CENPX: variants seen among roughly 807,000 people sequenced by gnomAD.
The protein encoded by CENPX is FANCM associated histone fold protein 2.
A neutral mutation model predicts 13.2 loss-of-function variants in CENPX; 13 were observed. The ratio of observed to expected loss-of-function variants is 0.98; its 90% CI spans 0.64 to 1.56. The LOEUF is 1.56. CENPX is among the 40% of genes most tolerant of loss of function. The pLI, the probability that CENPX is intolerant of heterozygous loss-of-function variation, is 0.00. For missense variants in CENPX, 138 were observed against 107.5 expected, an observed-to-expected ratio of 1.28 and a Z score of -1.26; for synonymous variants, 66 against 47.2, an observed-to-expected ratio of 1.40 and a Z score of -1.63.
chr17:82,019,593 CA>C, intron 3 of CENPX, 47 bp downstream of exon 3: 7 of 1,550,004 alleles, frequency 4.5e-6, no homozygotes, highest in Non-Finnish European at 6.1e-6. Context: ...TGGAAAAACG[CA>C]AAATTCCGGA....
rs564215881 is a variant in CENPX, at chr17:82,018,874, C to T, written c.*331G>A. On this transcript the variant is annotated 3_prime_UTR_variant, in exon 5 of 5. Coordinates refer to ENST00000392359, the MANE Select transcript of CENPX (RefSeq NM_001271006.2). ...GCGCTGCCAGCTGCTGTTTGTCAAA[C>T]ACACAGGCTACCTGCTGGCCAGGCC... 4 of 369,152 alleles carry T rather than the reference C, an allele frequency of 1.1e-5. No homozygotes were observed. Among genetic ancestry groups the T allele is most frequent in the Non-Finnish European group, 1.9e-5 (4 of 207,222 alleles). 22.9% of individuals were successfully genotyped at this position (369,152 alleles called of 1,614,324 possible).
rs2043221887 is a variant in CENPX at position 82,019,037 on chromosome 17, A to C, written c.*168T>G. 6.9e-6 allele frequency: 7 copies of C among 1,020,596 alleles called. No individual in the cohort carries two copies. Among genetic ancestry groups the C allele is most frequent in the Non-Finnish European group, 9.7e-6 (7 of 725,172 alleles). The allele number at this position is 1,020,596 out of a possible 1,614,324, so 63.2% of individuals were successfully genotyped here. On this transcript the variant is annotated 3_prime_UTR_variant, in exon 5 of 5. Coordinates refer to ENST00000392359, the MANE Select transcript of CENPX (RefSeq NM_001271006.2). The stretch of plus-strand genomic sequence containing the variant: ...CACTCCAAGGCCCGCAGTGCACTGC[A>C]GTCCTGCCCCTTCTGCACAGGCTGG...
intron 1 of CENPX, 120 bp downstream of exon 1, chr17:82,022,706 G>C (rs1048089518): frequency 1.9e-4 from 230 of 1,211,664 alleles, no homozygotes; most frequent in Non-Finnish European, 2.4e-4. Context: ...GTCTGAGAAC[G>C]GGCCCAACCT....
Position 82,019,988 on chromosome 17 carries a change from G to A in CENPX, c.37-79C>T. ...CAGGGTGGTGACCATTCTGGTGACA[G>A]TGGCTGTGACTTCTGGCTGGAGACG... On this transcript the variant is annotated intron_variant, in intron 1 of 4. Transcript: ENST00000392359. 2.3e-6 allele frequency: 3 copies of A among 1,305,188 alleles called. No individual in the cohort carries two copies. The South Asian group carries it at 4.4e-5, about 19-fold the overall frequency. The allele number at this position is 1,305,188 out of a possible 1,614,324, so 80.9% of individuals were successfully genotyped here. A position where few individuals can be genotyped will look rare whatever the true frequency, so the allele number is the denominator to read the frequency against.
rs1187062139 is a variant in CENPX at position 82,019,077 on chromosome 17, CTT to C, written c.*126_*127del. 7.4e-7 allele frequency: 1 copy of C among 1,358,222 alleles called. No homozygotes were observed. Among genetic ancestry groups the C allele is most frequent in the Non-Finnish European group, 9.8e-7 (1 of 1,015,256 alleles). The allele number at this position is 1,358,222 out of a possible 1,614,324, so 84.1% of individuals were successfully genotyped here. A position where few individuals can be genotyped will look rare whatever the true frequency, so the allele number is the denominator to read the frequency against. On this transcript the variant is annotated 3_prime_UTR_variant, in exon 5 of 5. Transcript: ENST00000392359. Reference sequence around the variant, plus strand: ...GCACAGGCTGGAGACTCCCAGAGATCTTGTTTGAATCAACTCCAAATCCTTCA... The same window carrying C: ...GCACAGGCTGGAGACTCCCAGAGATCGTTTGAATCAACTCCAAATCCTTCA...
At chr17:82,022,671 G>T in intron 1 of CENPX, 155 bp downstream of exon 1, 1 of 879,578 alleles carries the variant, frequency 1.1e-6, no homozygotes, top group Non-Finnish European at 1.7e-6. Flanking sequence ...GAGGGCGCGG[G>T]GCGCGCGGCC....
At chr17:82,021,519 AAG>A (rs1449342409) in intron 1 of CENPX, among the ~76,000 whole-genome samples, 1 of 152,186 alleles carries the variant, frequency 6.6e-6, no homozygotes, top group East Asian at 1.9e-4. Flanking sequence ...GTGGCCTCGG[AAG>A]GCAGGCCCAG....
rs375883474 is a variant in CENPX at position 82,019,282 on chromosome 17, C to G, written c.231+11G>C. Reference sequence around the variant, plus strand: ...GCACCCCCACTTGCGCCCCGACCCACGCTCACGCACCAGCTGCGGAAGCAC... The same window carrying G: ...GCACCCCCACTTGCGCCCCGACCCAGGCTCACGCACCAGCTGCGGAAGCAC... On this transcript the variant is annotated intron_variant, in intron 4 of 4. Coordinates refer to ENST00000392359, the MANE Select transcript of CENPX (RefSeq NM_001271006.2). The G allele has an allele frequency of 6.3e-7, 1 of 1,597,080 alleles. No homozygotes were observed. The highest frequency in any genetic ancestry group is 1.7e-4 in the Middle Eastern group (1 of 6,028).
chr17:82,019,283 G>A lies in CENPX; in HGVS notation c.231+10C>T, dbSNP rs1239320007. The A allele has an allele frequency of 8.8e-6, 14 of 1,597,256 alleles. No homozygotes were observed. Among genetic ancestry groups the A allele is most frequent in the Middle Eastern group, 1.7e-4 (1 of 6,048 alleles). ...CACCCCCACTTGCGCCCCGACCCACGCTCACGCACCAGCTGCGGAAGCACC... is the reference window on the plus strand; with the variant it reads ...CACCCCCACTTGCGCCCCGACCCACACTCACGCACCAGCTGCGGAAGCACC... On this transcript the variant is annotated intron_variant, in intron 4 of 4. Coordinates refer to ENST00000392359, the MANE Select transcript of CENPX (RefSeq NM_001271006.2).
Position 82,018,942 on chromosome 17 carries a change from T to C in CENPX, c.*263A>G. 1 of 427,304 alleles carries C rather than the reference T, an allele frequency of 2.3e-6. No homozygotes were observed. Among genetic ancestry groups the C allele is most frequent in the Non-Finnish European group, 4.0e-6 (1 of 247,888 alleles). The allele number at this position is 427,304 out of a possible 1,614,324, so 26.5% of individuals were successfully genotyped here. On this transcript the variant is annotated 3_prime_UTR_variant, in exon 5 of 5. Coordinates refer to ENST00000392359, the MANE Select transcript of CENPX (RefSeq NM_001271006.2). Reference sequence around the variant, plus strand: ...GTAGGACCCCGGGTGGCATGCACACTATTGTCCCAGGGAGGAGAGGCAGGG... The same window carrying C: ...GTAGGACCCCGGGTGGCATGCACACCATTGTCCCAGGGAGGAGAGGCAGGG...
rs991241758 is a variant in CENPX at position 82,020,669 on chromosome 17, G to C, written c.37-760C>G. ...CTCTGGCTGCCATGCCCGGGGTGGG[G>C]GGAAGGGAGGGGGCTGCAGAGCCAG... On this transcript the variant is annotated intron_variant, in intron 1 of 4. Transcript: ENST00000392359. Among the ~76,000 whole-genome samples, 21 of 152,288 alleles carry C rather than the reference G, an allele frequency of 1.4e-4. No individual in the cohort carries two copies. In the South Asian group the frequency reaches 2.7e-3, roughly 20 times the overall value.
In CENPX at chr17:82,019,636, C is replaced by G. The variant is rs912525098; in HGVS notation, c.142+5G>C. On this transcript the variant is annotated splice_donor_5th_base_variant and intron_variant, in intron 3 of 4. Coordinates refer to ENST00000392359, the MANE Select transcript of CENPX (RefSeq NM_001271006.2). ...GCCCGGAGGGAGCGTGGGCCCTGGG[C>G]TCACCCACAACGAAGACCTTCAGCA... 12 of 1,550,216 alleles carry G rather than the reference C, an allele frequency of 7.7e-6. No individual in the cohort carries two copies. The Admixed American group carries it at 1.2e-4, about 15-fold the overall frequency.
chr17:82,020,018 C>T (rs2043253663), intron 1 of CENPX, 109 bp from the exon 2 acceptor site: 5 of 1,092,884 alleles, frequency 4.6e-6, no homozygotes, highest in Admixed American at 5.4e-5. Context: ...GAGACGCCCT[C>T]TGTGCCTGAG....
At chr17:82,021,710 GA>G (rs1253578492) in intron 1 of CENPX, among the ~76,000 whole-genome samples, 22 of 152,330 alleles carry the variant, frequency 1.4e-4, no homozygotes, top group African/African-American at 5.3e-4. Context: ...GGGCTTGATA[GA>G]ACACATGACC....
intron 1 of CENPX, 34 bp downstream of exon 1, chr17:82,022,792 C>A (rs1014658185): frequency 6.4e-7 from 1 of 1,559,520 alleles, no homozygotes; most frequent in Non-Finnish European, 8.6e-7. Flanking sequence ...ACGGAGCGTC[C>A]GCGCCTGCCT....
rs1043872578 is a variant in CENPX, at chr17:82,020,843, G to A, written c.37-934C>T. On this transcript the variant is annotated intron_variant, in intron 1 of 4. Coordinates refer to ENST00000392359, the MANE Select transcript of CENPX (RefSeq NM_001271006.2). ...GACACAGGAGATCAGTTTGGGATGC[G>A]TTGTGTGTGAACACAGGAGTGGTGG... is the stretch of plus-strand genomic sequence containing the variant. Among the ~76,000 whole-genome samples the A allele has an allele frequency of 8.5e-5, 13 of 152,244 alleles. No individual in the cohort carries two copies. In the East Asian group the frequency reaches 9.6e-4, roughly 11 times the overall value.
intron 1 of CENPX, 24 bp from the exon 2 acceptor site, chr17:82,019,933 G>T: frequency 6.5e-7 from 1 of 1,544,990 alleles, no homozygotes. Flanking sequence ...GGGTGTCAGC[G>T]CCACGCCCCG....
chr17:82,019,477 C>G (rs549732034), intron 3 of CENPX, 96 bp from the exon 4 acceptor site: 2 of 1,509,168 alleles, frequency 1.3e-6, no homozygotes, highest in Non-Finnish European at 1.8e-6. Flanking sequence ...CCCCCAACAC[C>G]CACGGGCAGC....
rs1418001632 is a variant in CENPX at position 82,019,709 on chromosome 17, G to A, written c.89-15C>T. The stretch of plus-strand genomic sequence containing the variant: ...GTCCCCGCTCACTGCAAGGCAGGGG[G>A]AGGTTATGCGGGACCCTCACCCACC... On this transcript the variant is annotated splice_polypyrimidine_tract_variant and intron_variant, in intron 2 of 4. Coordinates refer to ENST00000392359, the MANE Select transcript of CENPX (RefSeq NM_001271006.2). The A allele has an allele frequency of 1.3e-6, 2 of 1,550,300 alleles. No individual in the cohort carries two copies. The highest frequency in any genetic ancestry group is 1.7e-6 in the Non-Finnish European group (2 of 1,146,956).
Sources: gnomAD v4.1 joint callset for allele counts (sites outside exome capture counted in the v4.1 genomes callset) on GRCh38, gnomAD v4.1.1 for gene constraint, MANE v1.5 for transcripts, NCBI Gene and HGNC (gene_info 2026-07-23, HGNC 2026-07-21) for gene names.